KCNQ5: variants seen among roughly 807,000 people sequenced by gnomAD.
The protein encoded by KCNQ5 is potassium voltage-gated channel subfamily KQT member 5.
KCNQ5 carries 30 observed loss-of-function variants against 98.2 expected under a neutral mutation model. That is an observed-to-expected ratio of 0.31 (90% CI 0.23 to 0.41). KCNQ5 has a LOEUF of 0.41. Ranked by LOEUF, KCNQ5 falls within the 10% of genes least tolerant of loss-of-function variation. The probability of loss-of-function intolerance (pLI) is 1.00; values close to 1 mark genes in which losing one functional copy is unlikely to be tolerated. For missense variants in KCNQ5, 835 were observed against 1,182.5 expected (o/e 0.71, Z 4.31); for synonymous variants, 458 against 449.4 (o/e 1.02, Z -0.24).
intron 1 of KCNQ5, among the ~76,000 whole-genome samples, chr6:72,731,188 G>A (rs1770534390): frequency 6.6e-6 from 1 of 152,168 alleles, no homozygotes; most frequent in Non-Finnish European, 1.5e-5. Flanking sequence ...AAAATGAGAG[G>A]ACAGGTGGGT....
At chr6:72,861,917 A>C (rs567339935) in intron 1 of KCNQ5, among the ~76,000 whole-genome samples, 3 of 151,946 alleles carry the variant, frequency 2.0e-5, no homozygotes, top group African/African-American at 7.2e-5. Flanking sequence ...TGAGGTCTCT[A>C]GCTTTTTCTT....
At chr6:73,037,830 T>C (rs1273216754) in intron 2 of KCNQ5, among the ~76,000 whole-genome samples, 1 of 152,134 alleles carries the variant, frequency 6.6e-6, no homozygotes, top group East Asian at 1.9e-4. Context: ...TATTCTTCTT[T>C]GTCAGCATTG....
chr6:72,782,481 A>T (rs1773535736), intron 1 of KCNQ5, among the ~76,000 whole-genome samples: 1 of 152,200 alleles, frequency 6.6e-6, no homozygotes, highest in South Asian at 2.1e-4. Flanking sequence ...CGTATCACAA[A>T]GCATGCACCA....
At chr6:73,178,856 T>G (rs2150512360) in intron 11 of KCNQ5, among the ~76,000 whole-genome samples, 1 of 152,338 alleles carries the variant, frequency 6.6e-6, no homozygotes, top group South Asian at 2.1e-4. Flanking sequence ...TGAATTATGT[T>G]TATGTATTAA....
At position 73,057,835 on chromosome 6, in the gene KCNQ5, G is replaced by A. The variant is rs530068017; in HGVS notation, c.616+15773G>A. Among the ~76,000 whole-genome samples, 108 of 152,276 alleles carry A rather than the reference G, an allele frequency of 7.1e-4. 1 individual carries two copies. The highest frequency in any genetic ancestry group is 2.6e-3 in the African/African-American group (108 of 41,564). On this transcript the variant is annotated intron_variant, in intron 3 of 13. Transcript: ENST00000370398. ...ACAACAAAGCCAGAAGTATCACATT[G>A]TGTGACTTCAATCTATATTACAAGG...
chr6:72,673,225 C>T (rs765305360), intron 1 of KCNQ5, among the ~76,000 whole-genome samples: 3 of 152,006 alleles, frequency 2.0e-5, no homozygotes, highest in Non-Finnish European at 2.9e-5. Context: ...TCTGTGCCTC[C>T]GTATGGATCT....
intron 1 of KCNQ5, among the ~76,000 whole-genome samples, chr6:72,960,828 C>T (rs1311633946): frequency 6.6e-6 from 1 of 152,230 alleles, no homozygotes; most frequent in Admixed American, 6.5e-5. Context: ...CACTCAGGAC[C>T]CTCTTGTCTT....
chr6:73,055,247 A>G (rs948741020), intron 3 of KCNQ5: 19 of 1,281,182 alleles, frequency 1.5e-5, no homozygotes, highest in Non-Finnish European at 3.4e-6. Flanking sequence ...TGAGTTTGAC[A>G]TCTGCTTCAC....
At chr6:72,639,948 T>C (rs1037092114) in intron 1 of KCNQ5, among the ~76,000 whole-genome samples, 1 of 151,774 alleles carries the variant, frequency 6.6e-6, no homozygotes. Context: ...AAAGTTTAGG[T>C]TGGTTAAAAA....
In KCNQ5 at chr6:73,192,450, T is replaced by C. The variant is rs182061268; in HGVS notation, c.1710-115T>C. 1.7e-5 allele frequency: 15 copies of C among 880,274 alleles called. No homozygotes were observed. In the African/African-American group the frequency reaches 2.6e-4, roughly 15 times the overall value. 54.5% of individuals were successfully genotyped at this position (880,274 alleles called of 1,614,324 possible). ...CTGGAACAAGTTCTTTCTTATTTCATCTTACATAAATTGAAGATAACTGTA... is the reference window on the plus strand; with the variant it reads ...CTGGAACAAGTTCTTTCTTATTTCACCTTACATAAATTGAAGATAACTGTA... On this transcript the variant is annotated intron_variant, in intron 12 of 13. Transcript: ENST00000370398.
chr6:72,859,427 G>T (rs185834412), intron 1 of KCNQ5, among the ~76,000 whole-genome samples: 3 of 124,924 alleles, frequency 2.4e-5, no homozygotes, highest in African/African-American at 7.8e-5. Context: ...CATATTTTTC[G>T]TATTTTTTTC....
intron 1 of KCNQ5, among the ~76,000 whole-genome samples, chr6:72,782,110 A>G (rs1582278826): frequency 6.6e-6 from 1 of 152,134 alleles, no homozygotes; most frequent in Non-Finnish European, 1.5e-5. Context: ...TTTGTTACCT[A>G]CTTCACAAAT....
chr6:72,829,920 A>G (rs1439155006), intron 1 of KCNQ5, among the ~76,000 whole-genome samples: 1 of 152,096 alleles, frequency 6.6e-6, no homozygotes, highest in Admixed American at 6.6e-5. Context: ...ATTGATAGGT[A>G]AAGAGAGCCA....
chr6:73,025,033 A>G (rs1447411368), intron 2 of KCNQ5, among the ~76,000 whole-genome samples: 2 of 152,250 alleles, frequency 1.3e-5, no homozygotes, highest in East Asian at 1.9e-4. Flanking sequence ...TAACTTCCTT[A>G]TTAATATTCT....
chr6:73,168,718 A>C (rs1777897722), intron 10 of KCNQ5, among the ~76,000 whole-genome samples: 3 of 152,174 alleles, frequency 2.0e-5, no homozygotes. Flanking sequence ...TCTCAAAAAA[A>C]AAAAGGTATT....
intron 1 of KCNQ5, among the ~76,000 whole-genome samples, chr6:72,851,209 G>A (rs1349193877): frequency 6.6e-6 from 1 of 152,176 alleles, no homozygotes. Flanking sequence ...AATGGACTCA[G>A]TGAACATCTT....
chr6:73,106,147 TG>T (rs141133232), intron 6 of KCNQ5, among the ~76,000 whole-genome samples: 2,596 of 152,232 alleles, frequency 0.017, 75 homozygotes, highest in African/African-American at 0.058. Flanking sequence ...CAGCTCAAGC[TG>T]TGCCAACCAG....
chr6:72,686,462 A>G (rs1040279791), intron 1 of KCNQ5, among the ~76,000 whole-genome samples: 1 of 152,184 alleles, frequency 6.6e-6, no homozygotes, highest in Non-Finnish European at 1.5e-5. Context: ...TTATTTTTCT[A>G]AGAAGTAGGT....
chr6:73,107,078 C>G (rs1448899333), intron 6 of KCNQ5, among the ~76,000 whole-genome samples: 1 of 152,100 alleles, frequency 6.6e-6, no homozygotes, highest in Non-Finnish European at 1.5e-5. Context: ...AGGAAAATAC[C>G]TTTAGAAACA....
Sources: allele counts gnomAD v4.1 joint callset (sites outside exome capture counted in the v4.1 genomes callset), GRCh38; gene constraint gnomAD v4.1.1; transcripts MANE v1.5; gene names NCBI Gene and HGNC (gene_info 2026-07-23, HGNC 2026-07-21).